Variants in C9 observed in about 807,000 individuals in gnomAD.
C9 encodes the protein complement component C9.
C9 carries 63 observed loss-of-function variants against 65.4 expected under a neutral mutation model. The observed-to-expected ratio is 0.96, with a 90% confidence interval of 0.79 to 1.19. The LOEUF (loss-of-function observed/expected upper bound fraction) is 1.19. Among genes scored for constraint, C9 ranks in the 50% most tolerant of loss-of-function variants. C9 has a pLI of 0.00. For synonymous variants in C9, 229 were observed against 227.9 expected (o/e 1.00, Z -0.04); for missense variants, 744 against 670.1 (o/e 1.11, Z -1.22).
At position 39,311,341 on chromosome 5, in the gene C9, G is replaced by A. The variant is rs765510920; in HGVS notation, c.907C>T (p.Leu303=). The part of the protein sequence containing the change: ...MFLHVKGEIH[L]GRFVMRNRDV... The stretch of plus-strand genomic sequence containing the variant: ...CGATTTCTCATTACAAATCTTCCCA[G>A]ATGAATTTCTCCTTTCACATGCAGA... The change falls in exon 7 of 11, where the codon CTG becomes TTG. Residue 303 remains leucine (L), a synonymous_variant. Coordinates refer to ENST00000263408, the MANE Select transcript of C9 (RefSeq NM_001737.5). The A allele has an allele frequency of 1.2e-6, 2 of 1,612,348 alleles. No individual in the cohort carries two copies. Among genetic ancestry groups the A allele is most frequent in the African/African-American group, 2.7e-5 (2 of 74,880 alleles).
At chr5:39,329,847 A>G (rs534624321) in intron 5 of C9, among the ~76,000 whole-genome samples, 1 of 152,324 alleles carries the variant, frequency 6.6e-6, no homozygotes, top group African/African-American at 2.4e-5. Context: ...GGAATTAAAG[A>G]AAAAAATCAT....
At chr5:39,310,690 T>G (rs935234593) in intron 7 of C9, among the ~76,000 whole-genome samples, 29 of 152,194 alleles carry the variant, frequency 1.9e-4, no homozygotes, top group African/African-American at 7.0e-4. Context: ...TAACACTGCT[T>G]CTTCTTTTCC....
intron 5 of C9, among the ~76,000 whole-genome samples, chr5:39,322,997 T>C (rs576584640): frequency 1.3e-5 from 2 of 152,116 alleles, no homozygotes; most frequent in Admixed American, 6.5e-5. Context: ...GTACAACTGA[T>C]ACCACAGAAA....
intron 5 of C9, among the ~76,000 whole-genome samples, chr5:39,330,132 C>A (rs1211925877): frequency 6.6e-6 from 1 of 152,152 alleles, no homozygotes; most frequent in African/African-American, 2.4e-5. Context: ...GTATTAATCT[C>A]ACCTGAACTA....
At chr5:39,354,635 G>T (rs1423301496) in intron 1 of C9, among the ~76,000 whole-genome samples, 1 of 152,108 alleles carries the variant, frequency 6.6e-6, no homozygotes, top group Non-Finnish European at 1.5e-5. Flanking sequence ...TATGTTCCAG[G>T]TATTTGATAT....
chr5:39,351,810 T>C (rs1754329091), intron 1 of C9, among the ~76,000 whole-genome samples: 2 of 152,188 alleles, frequency 1.3e-5, no homozygotes, highest in African/African-American at 4.8e-5. Context: ...TTCTCTCATT[T>C]TCCCTTCCTG....
Position 39,315,918 on chromosome 5 carries a change from A to AT in C9, c.726dup (p.Phe243IlefsTer5). ...GCTTTATTTGTTTCAGTGGGTGTAA[A>AT]TTTTAGAGATATAGCTGCATTAAAA... On this transcript the variant is annotated frameshift_variant, in exon 6 of 11. Transcript: ENST00000263408. LOFTEE classifies it high-confidence loss of function. 6.2e-7 allele frequency: 1 copy of AT among 1,612,700 alleles called. No individual in the cohort carries two copies. The highest frequency in any genetic ancestry group is 8.5e-7 in the Non-Finnish European group (1 of 1,178,922).
intron 10 of C9, among the ~76,000 whole-genome samples, chr5:39,287,293 AT>A (rs1252044308): frequency 1.3e-5 from 2 of 151,866 alleles, no homozygotes; most frequent in East Asian, 3.9e-4. Context: ...TTTTTCCTAG[AT>A]TTTCCTCTAG....
rs13361416 is a variant in C9, at chr5:39,331,684, T to C, written c.607A>G (p.Ile203Val). Residue 203 changes from isoleucine to valine, a missense_variant, in exon 5 of 11, where the codon ATC (isoleucine) becomes GTC (valine). Coordinates refer to ENST00000263408, the MANE Select transcript of C9 (RefSeq NM_001737.5). ...YRRPWNVASL[I>V]YETKGEKNFR... ...CCTCCGAGGAGACTTACTTCATAGA[T>C]CAAAGAAGCCACGTTCCAAGGTCTT... 6.3e-3 allele frequency: 10,170 copies of C among 1,613,886 alleles called. 396 individuals are homozygous for C. In the African/African-American group the frequency reaches 0.1, roughly 16 times the overall value.
intron 4 of C9, among the ~76,000 whole-genome samples, chr5:39,335,108 C>A (rs1433272538): frequency 6.6e-6 from 1 of 152,146 alleles, no homozygotes; most frequent in African/African-American, 2.4e-5. Context: ...GTTTCTTAAA[C>A]AAGATCTCAG....
At chr5:39,296,345 A>G (rs1223641452) in intron 9 of C9, among the ~76,000 whole-genome samples, 1 of 151,646 alleles carries the variant, frequency 6.6e-6, no homozygotes, top group Non-Finnish European at 1.5e-5. Context: ...AATCTGATTG[A>G]AAAATAAACA....
intron 6 of C9, among the ~76,000 whole-genome samples, chr5:39,314,192 G>A (rs1174179414): frequency 1.3e-5 from 2 of 152,124 alleles, no homozygotes; most frequent in African/African-American, 2.4e-5. Context: ...GCTCACACCT[G>A]TAATCCCAGC....
intron 1 of C9, among the ~76,000 whole-genome samples, chr5:39,351,116 C>A (rs868549047): frequency 1.3e-5 from 2 of 152,218 alleles, no homozygotes; most frequent in Non-Finnish European, 2.9e-5. Flanking sequence ...TGGGTTTGTA[C>A]CCTCTGAAGC....
intron 9 of C9, among the ~76,000 whole-genome samples, chr5:39,293,386 T>C (rs1753130402): frequency 1.3e-5 from 2 of 151,694 alleles, no homozygotes; most frequent in Admixed American, 1.3e-4. Context: ...CATGCAAAGG[T>C]AAACCAAAAG....
At chr5:39,335,286 CA>C (rs1315227220) in intron 4 of C9, among the ~76,000 whole-genome samples, 1 of 152,136 alleles carries the variant, frequency 6.6e-6, no homozygotes, top group Admixed American at 6.5e-5. Context: ...TTGCAATTAG[CA>C]GGGGGGAATA....
rs767908678 is a variant in C9 at position 39,315,800 on chromosome 5, A to T, written c.845T>A (p.Leu282Gln). ...CTTCTTTGAAGAATATGACAAAAAT[A>T]GTTGGTAAGTTTCATTTTTGGAATA... ...FSYSKNETYQ[L>Q]FLSYSSKKEK... The change falls in exon 6 of 11, where the codon CTA (leucine) becomes CAA (glutamine). Residue 282 changes from leucine to glutamine, a missense_variant. By Grantham distance (113) the Leu-to-Gln change is moderately radical. Transcript: ENST00000263408. 4 of 1,604,150 alleles carry T rather than the reference A, an allele frequency of 2.5e-6. No homozygotes were observed. The highest frequency in any genetic ancestry group is 2.7e-5 in the African/African-American group (2 of 74,682).
At chr5:39,341,323 T>C (rs538965072) in intron 3 of C9, 30 bp from the exon 4 acceptor site, 1 of 1,611,748 alleles carries the variant, frequency 6.2e-7, no homozygotes, top group East Asian at 2.2e-5. Context: ...AGACTCAATG[T>C]ATCTAATGTC....
chr5:39,288,281 T>C (rs1045533520), intron 10 of C9, among the ~76,000 whole-genome samples: 1 of 151,778 alleles, frequency 6.6e-6, no homozygotes, highest in Non-Finnish European at 1.5e-5. Flanking sequence ...GGGGATGTGG[T>C]ACAAAGTAAT....
intron 9 of C9, among the ~76,000 whole-genome samples, chr5:39,295,311 A>G (rs1012028973): frequency 4.6e-5 from 7 of 151,746 alleles, no homozygotes; most frequent in Admixed American, 2.0e-4. Context: ...GAAAATCCTA[A>G]AGACTTTACC....
Sources: allele counts gnomAD v4.1 joint callset (sites outside exome capture counted in the v4.1 genomes callset), GRCh38; gene constraint gnomAD v4.1.1; transcripts MANE v1.5; gene names NCBI Gene and HGNC (gene_info 2026-07-23, HGNC 2026-07-21).